Variants in VTI1A observed in about 807,000 individuals in gnomAD.
VTI1A encodes the protein vesicle transport through interaction with t-SNAREs 1A.
Under a neutral mutation model 34.9 loss-of-function variants are expected in VTI1A, and 22 were observed. The ratio of observed to expected loss-of-function variants is 0.63; its 90% CI spans 0.45 to 0.90. The LOEUF is 0.90. VTI1A is among the 40% of genes least tolerant of loss of function. VTI1A has a pLI of 0.00. For synonymous variants in VTI1A, 87 were observed against 97.3 expected, an observed-to-expected ratio of 0.89 and a Z score of 0.62; for missense variants, 268 against 275.6, an observed-to-expected ratio of 0.97 and a Z score of 0.20.
intron 5 of VTI1A, among the ~76,000 whole-genome samples, chr10:112,620,002 G>A (rs1845667659): frequency 6.6e-6 from 1 of 152,156 alleles, no homozygotes; most frequent in Non-Finnish European, 1.5e-5. Flanking sequence ...CAACAATCTG[G>A]TTCTCCCAGG....
chr10:112,590,202 T>C (rs1339371006), intron 5 of VTI1A, among the ~76,000 whole-genome samples: 1 of 152,156 alleles, frequency 6.6e-6, no homozygotes, highest in Non-Finnish European at 1.5e-5. Context: ...TTAGTTGATA[T>C]TAAGAAAATT....
the VTI1A span, chr10:112,826,428 T>C: frequency 6.6e-6 from 1 of 152,234 alleles, no homozygotes; most frequent in East Asian, 1.9e-4. Context: ...AGAAATGAAG[T>C]CTAAAAGCAG....
intron 5 of VTI1A, among the ~76,000 whole-genome samples, chr10:112,636,191 C>G (rs1263890747): frequency 1.3e-5 from 2 of 152,212 alleles, no homozygotes; most frequent in African/African-American, 4.8e-5. Context: ...TCAAGGCTGA[C>G]TCTTTCACTA....
rs569288730 is a variant in VTI1A, at chr10:112,781,018, C to T, written c.561-34272C>T. The stretch of plus-strand genomic sequence containing the variant: ...TCTGTTGCCCAGGCTGATCTCGGCT[C>T]ACTGCAACCTCCGCCTCCCAGGTTT... On this transcript the variant is annotated intron_variant, in intron 7 of 7. Transcript: ENST00000393077. Among the ~76,000 whole-genome samples the T allele has an allele frequency of 1.8e-4, 28 of 152,240 alleles. No individual in the cohort carries two copies. In the South Asian group the frequency reaches 4.4e-3, roughly 24 times the overall value.
At position 112,749,478 on chromosome 10, in the gene VTI1A, G is replaced by C. The variant is rs117194553; in HGVS notation, c.561-65812G>C. On this transcript the variant is annotated intron_variant, in intron 7 of 7. Transcript: ENST00000393077. ...AAGGGTTGAATGCTGCTTCACCCTTGATAGGAATATGTGTAAGACAGGGAG... is the reference window on the plus strand; with the variant it reads ...AAGGGTTGAATGCTGCTTCACCCTTCATAGGAATATGTGTAAGACAGGGAG... 7.5e-4 allele frequency among the ~76,000 whole-genome samples: 114 copies of C among 152,336 alleles called. 1 individual carries two copies. In the East Asian group the frequency reaches 0.022, roughly 29 times the overall value.
chr10:112,463,240 A>C (rs1394265678), intron 2 of VTI1A, among the ~76,000 whole-genome samples: 1 of 152,030 alleles, frequency 6.6e-6, no homozygotes, highest in Non-Finnish European at 1.5e-5. Context: ...TTTATTTTTT[A>C]ATGGCAACTA....
At chr10:112,552,356 A>C (rs1851389448) in intron 5 of VTI1A, among the ~76,000 whole-genome samples, 1 of 152,166 alleles carries the variant, frequency 6.6e-6, no homozygotes, top group Non-Finnish European at 1.5e-5. Flanking sequence ...TCATTAGCAT[A>C]TCTTTGAATT....
intron 7 of VTI1A, among the ~76,000 whole-genome samples, chr10:112,712,511 C>CACACACAT (rs772752445): frequency 2.7e-5 from 4 of 147,760 alleles, no homozygotes; most frequent in African/African-American, 1.0e-4. Flanking sequence ...CACACACACA[C>CACACACAT]ATTAAATGAT....
Position 112,784,475 on chromosome 10 carries a change from T to C in VTI1A, c.561-30815T>C, listed in dbSNP as rs148380767. On this transcript the variant is annotated intron_variant, in intron 7 of 7. Transcript: ENST00000393077. ...TGCCTATTTCTTGCTTTTATTATGATAACATAAATATATTTGCAGCATGTT... is the reference window on the plus strand; with the variant it reads ...TGCCTATTTCTTGCTTTTATTATGACAACATAAATATATTTGCAGCATGTT... Among the ~76,000 whole-genome samples, 775 of 152,336 alleles carry C rather than the reference T, an allele frequency of 5.1e-3. 10 individuals carry two copies. Among genetic ancestry groups the C allele is most frequent in the South Asian group, 0.038 (184 of 4,824 alleles).
chr10:112,684,141 T>C (rs1168063152), intron 7 of VTI1A, among the ~76,000 whole-genome samples: 1 of 152,172 alleles, frequency 6.6e-6, no homozygotes, highest in African/African-American at 2.4e-5. Context: ...AGGTCACAAC[T>C]ATTAATTGGC....
At chr10:112,555,718 T>C (rs1202204319) in intron 5 of VTI1A, among the ~76,000 whole-genome samples, 1 of 152,036 alleles carries the variant, frequency 6.6e-6, no homozygotes, top group East Asian at 1.9e-4. Flanking sequence ...CTTAGAAATG[T>C]TATACATTTT....
chr10:112,759,195 T>G (rs892049167), intron 7 of VTI1A, among the ~76,000 whole-genome samples: 1 of 152,188 alleles, frequency 6.6e-6, no homozygotes, highest in Non-Finnish European at 1.5e-5. Context: ...GCAATGCTGA[T>G]GTGGAGAGGT....
intron 7 of VTI1A, among the ~76,000 whole-genome samples, chr10:112,729,356 T>G (rs1464673842): frequency 1.3e-5 from 2 of 152,196 alleles, no homozygotes; most frequent in Admixed American, 6.5e-5. Context: ...AATAAAGATG[T>G]TTTCATAGCC....
chr10:112,853,573 C>G, the VTI1A span, among the ~76,000 whole-genome samples: 1 of 152,198 alleles, frequency 6.6e-6, no homozygotes, highest in East Asian at 1.9e-4. Flanking sequence ...CCACATTCCA[C>G]AGGTGGCCAG....
At chr10:112,752,671 A>G in intron 7 of VTI1A, 1 of 650,078 alleles carries the variant, frequency 1.5e-6, no homozygotes. Flanking sequence ...TCTAGAATAG[A>G]TGTTGCCTCC....
At chr10:112,510,639 A>AACCACCACC (rs764422048) in intron 3 of VTI1A, among the ~76,000 whole-genome samples, 3 of 151,832 alleles carry the variant, frequency 2.0e-5, no homozygotes, top group Non-Finnish European at 4.4e-5. Context: ...GACTCAAAAA[A>AACCACCACC]ACCACCACCA....
At chr10:112,523,056 C>A (rs912770345) in intron 3 of VTI1A, among the ~76,000 whole-genome samples, 22 of 152,062 alleles carry the variant, frequency 1.4e-4, no homozygotes, top group African/African-American at 5.3e-4. Context: ...TAGAATCATA[C>A]AGGAGGCGGT....
At chr10:112,772,839 C>A (rs1271752694) in intron 7 of VTI1A, among the ~76,000 whole-genome samples, 2 of 152,188 alleles carry the variant, frequency 1.3e-5, no homozygotes, top group Non-Finnish European at 2.9e-5. Context: ...CACACCTCAG[C>A]CCAGTCCACC....
intron 5 of VTI1A, among the ~76,000 whole-genome samples, chr10:112,653,394 C>T (rs1016365478): frequency 4.6e-5 from 7 of 152,068 alleles, no homozygotes; most frequent in Admixed American, 6.5e-5. Context: ...TGTGTTTGTG[C>T]GAAGTATAGG....
Sources: gnomAD v4.1 joint callset for allele counts (sites outside exome capture counted in the v4.1 genomes callset) on GRCh38, gnomAD v4.1.1 for gene constraint, MANE v1.5 for transcripts, NCBI Gene and HGNC (gene_info 2026-07-23, HGNC 2026-07-21) for gene names.